CNTNAP2: variants seen among roughly 807,000 people sequenced by gnomAD.
CNTNAP2 encodes the protein contactin-associated protein-like 2.
A neutral mutation model predicts 155.2 loss-of-function variants in CNTNAP2; 98 were observed. That is an observed-to-expected ratio of 0.63 (90% CI 0.54 to 0.75). The LOEUF (loss-of-function observed/expected upper bound fraction) is 0.75. Ranked by LOEUF, CNTNAP2 falls within the 30% of genes least tolerant of loss-of-function variation. The pLI, the probability that CNTNAP2 is intolerant of heterozygous loss-of-function variation, is 0.00. For missense variants in CNTNAP2, 1,727 were observed against 1,688.1 expected (o/e 1.02, Z -0.40); for synonymous variants, 651 against 631.2 (o/e 1.03, Z -0.47).
At chr7:146,303,294 T>A (rs1335702369) in intron 1 of CNTNAP2, among the ~76,000 whole-genome samples, 2 of 152,140 alleles carry the variant, frequency 1.3e-5, no homozygotes, top group Non-Finnish European at 2.9e-5. Context: ...AACACTCATG[T>A]ACCTCTCATT....
At chr7:146,721,621 CTATATACATTCTATATATATTCTATATAT>C (rs1340724935) in intron 1 of CNTNAP2, among the ~76,000 whole-genome samples, 18 of 112,172 alleles carry the variant, frequency 1.6e-4, no homozygotes, top group African/African-American at 6.2e-4. Context: ...TATATATATT[CTATATACATTCTATATATATTCTATATAT>C]ATTCTATATA....
At chr7:147,035,093 C>A (rs1004013822) in intron 3 of CNTNAP2, among the ~76,000 whole-genome samples, 12 of 152,096 alleles carry the variant, frequency 7.9e-5, no homozygotes, top group African/African-American at 2.9e-4. Context: ...CTGACTGGTG[C>A]TCAGAAAAAA....
At chr7:147,178,331 A>AT (rs1802389050) in intron 8 of CNTNAP2, among the ~76,000 whole-genome samples, 1 of 152,182 alleles carries the variant, frequency 6.6e-6, no homozygotes, top group Non-Finnish European at 1.5e-5. Flanking sequence ...AAGACAGAAA[A>AT]TGGTGGCCAA....
At chr7:147,953,548 A>T (rs2116833143) in intron 14 of CNTNAP2, among the ~76,000 whole-genome samples, 1 of 152,306 alleles carries the variant, frequency 6.6e-6, no homozygotes, top group African/African-American at 2.4e-5. Flanking sequence ...AGGAAATATC[A>T]ATTCTATTGG....
At chr7:146,886,920 A>T (rs1301360336) in intron 3 of CNTNAP2, among the ~76,000 whole-genome samples, 1 of 151,530 alleles carries the variant, frequency 6.6e-6, no homozygotes, top group Non-Finnish European at 1.5e-5. Context: ...AATTCCTGTA[A>T]TTTGCCAGTG....
chr7:146,292,441 T>A (rs1800444494), intron 1 of CNTNAP2, among the ~76,000 whole-genome samples: 1 of 152,148 alleles, frequency 6.6e-6, no homozygotes, highest in South Asian at 2.1e-4. Flanking sequence ...AGAATAAAAA[T>A]TTTAAAAAAT....
intron 1 of CNTNAP2, among the ~76,000 whole-genome samples, chr7:146,706,969 C>A (rs1048749820): frequency 6.7e-6 from 1 of 150,330 alleles, no homozygotes; most frequent in African/African-American, 2.5e-5. Context: ...ATTTGAAGTA[C>A]AGACTTGCAA....
rs147958898 is a variant in CNTNAP2, at chr7:146,922,461, A to G, written c.402+82557A>G. 1.8e-3 allele frequency among the ~76,000 whole-genome samples: 273 copies of G among 152,248 alleles called. 2 individuals carry two copies. Among genetic ancestry groups the G allele is most frequent in the African/African-American group, 6.2e-3 (256 of 41,556 alleles). Reference sequence around the variant, plus strand: ...GGTGAGGCAAGTCATTTGAGTGAACACCTGCACTCCTGTATCAATATATAT... The same window carrying G: ...GGTGAGGCAAGTCATTTGAGTGAACGCCTGCACTCCTGTATCAATATATAT... On this transcript the variant is annotated intron_variant, in intron 3 of 23. Coordinates refer to ENST00000361727, the MANE Select transcript of CNTNAP2 (RefSeq NM_014141.6).
At chr7:146,721,056 T>C (rs1238623751) in intron 1 of CNTNAP2, among the ~76,000 whole-genome samples, 1 of 123,456 alleles carries the variant, frequency 8.1e-6, no homozygotes, top group East Asian at 2.1e-4. Flanking sequence ...ATATATACTC[T>C]ATATTCTATA....
intron 1 of CNTNAP2, among the ~76,000 whole-genome samples, chr7:146,732,733 G>A (rs2129179705): frequency 6.6e-6 from 1 of 152,180 alleles, no homozygotes; most frequent in African/African-American, 2.4e-5. Flanking sequence ...AAAATCGGAT[G>A]CTTCAGTTCT....
At chr7:146,548,193 C>A (rs1798058853) in intron 1 of CNTNAP2, among the ~76,000 whole-genome samples, 1 of 151,984 alleles carries the variant, frequency 6.6e-6, no homozygotes, top group Non-Finnish European at 1.5e-5. Flanking sequence ...ATTTCACTCC[C>A]ATTCATAAGT....
intron 13 of CNTNAP2, among the ~76,000 whole-genome samples, chr7:147,825,621 A>C (rs570327291): frequency 3.2e-4 from 49 of 152,326 alleles, no homozygotes; most frequent in African/African-American, 9.4e-4. Flanking sequence ...GAGAATAGAA[A>C]ACCTGCACTC....
intron 1 of CNTNAP2, among the ~76,000 whole-genome samples, chr7:146,599,764 A>AGATAGATAGAT (rs1798920614): frequency 6.6e-6 from 1 of 151,698 alleles, no homozygotes; most frequent in Non-Finnish European, 1.5e-5. Context: ...ATAGATAGAT[A>AGATAGATAGAT]GATAGATAGA....
chr7:146,132,723 C>G (rs1306450231), intron 1 of CNTNAP2, among the ~76,000 whole-genome samples: 2 of 151,738 alleles, frequency 1.3e-5, no homozygotes, highest in South Asian at 2.1e-4. Context: ...TCATCCATGT[C>G]CCTACAAAGG....
chr7:146,468,394 G>C (rs1287566423), intron 1 of CNTNAP2, among the ~76,000 whole-genome samples: 1 of 151,624 alleles, frequency 6.6e-6, no homozygotes, highest in Non-Finnish European at 1.5e-5. Flanking sequence ...AATACACCCA[G>C]GTAACAAATC....
Position 148,263,645 on chromosome 7 carries a change from G to A in CNTNAP2, c.3382-3388G>A, listed in dbSNP as rs1796602404. ...CCAGCTACTAGGGAGGCTGAGGCAG[G>A]AGAATGGCGTGAACCCGGGAGGCGG... On this transcript the variant is annotated intron_variant, in intron 20 of 23. Coordinates refer to ENST00000361727, the MANE Select transcript of CNTNAP2 (RefSeq NM_014141.6). 2.0e-5 allele frequency among the ~76,000 whole-genome samples: 3 copies of A among 151,688 alleles called. No individual in the cohort carries two copies. In the South Asian group the frequency reaches 6.3e-4, roughly 32 times the overall value.
intron 1 of CNTNAP2, among the ~76,000 whole-genome samples, chr7:146,252,155 T>A (rs562560842): frequency 3.9e-5 from 6 of 152,180 alleles, no homozygotes; most frequent in Non-Finnish European, 8.8e-5. Context: ...TTTTGCTTAA[T>A]CATACCAATG....
At chr7:147,454,766 T>G (rs1213103653) in intron 10 of CNTNAP2, among the ~76,000 whole-genome samples, 1 of 152,028 alleles carries the variant, frequency 6.6e-6, no homozygotes, top group African/African-American at 2.4e-5. Context: ...TGAACAGGAT[T>G]TTAATAAAAG....
chr7:147,740,260 A>C (rs1796934086), intron 13 of CNTNAP2, among the ~76,000 whole-genome samples: 1 of 72,674 alleles, frequency 1.4e-5, no homozygotes, highest in Non-Finnish European at 3.6e-5. Flanking sequence ...ATGTGCAGCA[A>C]GCATTTAAAT....
Sources: gnomAD v4.1 joint callset for allele counts (sites outside exome capture counted in the v4.1 genomes callset) on GRCh38, gnomAD v4.1.1 for gene constraint, MANE v1.5 for transcripts, NCBI Gene and HGNC (gene_info 2026-07-23, HGNC 2026-07-21) for gene names.